Variants in DLGAP2 observed in about 807,000 individuals in gnomAD.
DLGAP2 encodes the protein disks large-associated protein 2.
DLGAP2 carries 26 observed loss-of-function variants against 100.3 expected under a neutral mutation model. The ratio of observed to expected loss-of-function variants is 0.26; its 90% CI spans 0.19 to 0.36. The LOEUF is 0.36. Among genes scored for constraint, DLGAP2 ranks in the 10% least tolerant of loss-of-function variants. DLGAP2 has a pLI of 1.00. For missense variants in DLGAP2, 1,858 were observed against 1,453.2 expected (o/e 1.28, Z -4.53); for synonymous variants, 886 against 630.1 (o/e 1.41, Z -6.08).
intron 4 of DLGAP2, among the ~76,000 whole-genome samples, chr8:1,511,849 T>G (rs992928241): frequency 6.6e-6 from 1 of 152,240 alleles, no homozygotes. Flanking sequence ...GTAGGTCACA[T>G]GAGCAAAGGT....
Position 1,678,366 on chromosome 8 carries a change from A to G in DLGAP2, c.2441A>G (p.Gln814Arg). The G allele has an allele frequency of 1.9e-6, 3 of 1,614,028 alleles. No individual in the cohort carries two copies. Among genetic ancestry groups the G allele is most frequent in the Non-Finnish European group, 2.5e-6 (3 of 1,179,892 alleles). ...QRHSEPSTPT[Q>R]YSAVRTVRTQ... ...CACTCCGAGCCCAGCACCCCCACCC[A>G]GTACAGCGCGGTGAGAACTGTACGG... Residue 814 changes from glutamine (Q) to arginine (R), a missense_variant, in exon 12 of 15, where the codon CAG becomes CGG. Physicochemically the swap from Gln to Arg is conservative, Grantham distance 43. Transcript: ENST00000637795.
intron 3 of DLGAP2, among the ~76,000 whole-genome samples, chr8:1,362,571 G>A (rs527581726): frequency 4.1e-4 from 63 of 152,188 alleles, no homozygotes; most frequent in Non-Finnish European, 8.7e-4. Context: ...GATCTCTCAC[G>A]GCCACAGTCA....
At chr8:1,163,321 G>A (rs981842574) in intron 2 of DLGAP2, among the ~76,000 whole-genome samples, 1 of 152,236 alleles carries the variant, frequency 6.6e-6, no homozygotes, top group Admixed American at 6.5e-5. Flanking sequence ...CGCACCCCCT[G>A]CCTGCTGCCG....
intron 4 of DLGAP2, among the ~76,000 whole-genome samples, chr8:1,516,289 G>A (rs941010157): frequency 6.6e-5 from 10 of 152,250 alleles, no homozygotes; most frequent in African/African-American, 2.2e-4. Flanking sequence ...CTGAATGAGT[G>A]CATGAATGAG....
chr8:1,309,567 C>G (rs1272163392), intron 3 of DLGAP2, among the ~76,000 whole-genome samples: 2 of 152,182 alleles, frequency 1.3e-5, no homozygotes, highest in African/African-American at 2.4e-5. Flanking sequence ...GAGACTTGCT[C>G]TACAAGAATG....
chr8:1,139,537 G>A (rs1796484502), intron 2 of DLGAP2, among the ~76,000 whole-genome samples: 1 of 152,290 alleles, frequency 6.6e-6, no homozygotes, highest in African/African-American at 2.4e-5. Context: ...TCTCAACCTA[G>A]TCACCTCCCA....
intron 6 of DLGAP2, among the ~76,000 whole-genome samples, chr8:1,589,080 G>GT (rs1203339849): frequency 2.0e-5 from 3 of 152,148 alleles, no homozygotes; most frequent in Non-Finnish European, 4.4e-5. Context: ...AACTAATAAT[G>GT]TATGAATGCA....
intron 2 of DLGAP2, among the ~76,000 whole-genome samples, chr8:1,256,807 G>T (rs573860937): frequency 2.0e-5 from 3 of 152,168 alleles, no homozygotes; most frequent in Non-Finnish European, 4.4e-5. Context: ...CTGCTTCAGT[G>T]ATGGCAGCGA....
At chr8:860,523 G>A (rs564138887) in intron 1 of DLGAP2, among the ~76,000 whole-genome samples, 3 of 152,310 alleles carry the variant, frequency 2.0e-5, no homozygotes, top group South Asian at 4.1e-4. Flanking sequence ...AAGGGTGGAC[G>A]CCTCCCGGCA....
At chr8:1,332,457 A>G (rs979681055) in intron 3 of DLGAP2, among the ~76,000 whole-genome samples, 2 of 152,030 alleles carry the variant, frequency 1.3e-5, no homozygotes, top group Non-Finnish European at 2.9e-5. Flanking sequence ...ATGTGTCTGC[A>G]TGAGTATATG....
chr8:1,186,912 G>C (rs1307056694), intron 2 of DLGAP2, among the ~76,000 whole-genome samples: 4 of 152,076 alleles, frequency 2.6e-5, no homozygotes, highest in Admixed American at 2.0e-4. Flanking sequence ...CCTTAAACAG[G>C]TATTTGGGAA....
At chr8:1,323,930 C>T (rs1195445463) in intron 3 of DLGAP2, among the ~76,000 whole-genome samples, 5 of 152,150 alleles carry the variant, frequency 3.3e-5, no homozygotes, top group Admixed American at 1.3e-4. Flanking sequence ...CTGCCTCATT[C>T]GGAAAGCCCA....
intron 2 of DLGAP2, among the ~76,000 whole-genome samples, chr8:1,022,405 C>G (rs372011512): frequency 3.6e-5 from 5 of 137,350 alleles, no homozygotes; most frequent in East Asian, 4.6e-4. Flanking sequence ...CCAAGGTAGA[C>G]GCTCCAAACA....
chr8:1,623,129 C>A (rs1387074549), intron 6 of DLGAP2, among the ~76,000 whole-genome samples: 2 of 152,228 alleles, frequency 1.3e-5, no homozygotes, highest in Non-Finnish European at 2.9e-5. Flanking sequence ...TATTTTTTAA[C>A]TATTTAAAAA....
intron 3 of DLGAP2, among the ~76,000 whole-genome samples, chr8:1,374,388 C>T (rs1802339654): frequency 6.6e-6 from 1 of 151,994 alleles, no homozygotes; most frequent in Non-Finnish European, 1.5e-5. Flanking sequence ...AGGCAGCTCC[C>T]TGATTACAAG....
At chr8:1,643,179 C>A (rs374541932) in intron 8 of DLGAP2, among the ~76,000 whole-genome samples, 47 of 16,440 alleles carry the variant, frequency 2.9e-3, no homozygotes, top group South Asian at 6.7e-3. Context: ...TCACCCTCGA[C>A]CCCGCCGGCC....
At chr8:1,435,408 A>T (rs1320311907) in intron 3 of DLGAP2, among the ~76,000 whole-genome samples, 1 of 152,092 alleles carries the variant, frequency 6.6e-6, no homozygotes, top group East Asian at 1.9e-4. Flanking sequence ...GCCCTGTAAG[A>T]TTATCATCAG....
At chr8:1,649,944 A>G (rs891818428) in intron 8 of DLGAP2, among the ~76,000 whole-genome samples, 7 of 152,238 alleles carry the variant, frequency 4.6e-5, no homozygotes, top group Non-Finnish European at 1.0e-4. Flanking sequence ...AGAAAAAGAA[A>G]AAGATTCATT....
intron 6 of DLGAP2, among the ~76,000 whole-genome samples, chr8:1,590,300 G>A (rs187586933): frequency 1.3e-3 from 204 of 152,290 alleles, no homozygotes; most frequent in Non-Finnish European, 2.2e-3. Context: ...AGTTCAGGCC[G>A]TACCAGAAGC....
Sources: gnomAD v4.1 joint callset for allele counts (sites outside exome capture counted in the v4.1 genomes callset) on GRCh38, gnomAD v4.1.1 for gene constraint, MANE v1.5 for transcripts, NCBI Gene and HGNC (gene_info 2026-07-23, HGNC 2026-07-21) for gene names.